PCDH15: variants seen among roughly 807,000 people sequenced by gnomAD.
PCDH15 encodes the protein protocadherin-15.
In PCDH15, 129 loss-of-function variants were observed where a neutral mutation model predicts 178.5. The ratio of observed to expected loss-of-function variants is 0.72; its 90% CI spans 0.63 to 0.84. PCDH15 has a LOEUF of 0.84. Ranked by LOEUF, PCDH15 falls within the 40% of genes least tolerant of loss-of-function variation. PCDH15 has a pLI of 0.00. For missense variants in PCDH15, 2,230 were observed against 2,099.9 expected, an observed-to-expected ratio of 1.06 and a Z score of -1.21; for synonymous variants, 800 against 732.0, an observed-to-expected ratio of 1.09 and a Z score of -1.50.
chr10:55,595,684 T>TA (rs778961290), intron 2 of PCDH15, among the ~76,000 whole-genome samples: 9 of 152,094 alleles, frequency 5.9e-5, no homozygotes, highest in Non-Finnish European at 8.8e-5. Context: ...TTTTCTGACT[T>TA]AGAGAATTCA....
At chr10:54,970,529 A>G (rs1838905302) in intron 2 of PCDH15, among the ~76,000 whole-genome samples, 2 of 152,208 alleles carry the variant, frequency 1.3e-5, no homozygotes, top group Admixed American at 6.5e-5. Context: ...GAAACAAAGT[A>G]CAGTAGTCTT....
At chr10:53,810,728 T>C in intron 36 of PCDH15, 64 bp from the exon 37 acceptor site, 1 of 1,401,064 alleles carries the variant, frequency 7.1e-7, no homozygotes, top group African/African-American at 1.4e-5. Context: ...CTACCATGAG[T>C]GATCTGTTTC....
At chr10:53,931,344 T>C (rs920043188) in intron 25 of PCDH15, among the ~76,000 whole-genome samples, 1 of 152,218 alleles carries the variant, frequency 6.6e-6, no homozygotes, top group Non-Finnish European at 1.5e-5. Flanking sequence ...GAGTGGTATG[T>C]ATGCTACAAA....
intron 2 of PCDH15, among the ~76,000 whole-genome samples, chr10:54,615,929 A>G (rs2093129854): frequency 6.6e-6 from 1 of 152,072 alleles, no homozygotes; most frequent in African/African-American, 2.4e-5. Flanking sequence ...GTGGCATCAC[A>G]GGGATTGGTA....
intron 3 of PCDH15, among the ~76,000 whole-genome samples, chr10:54,811,043 A>C (rs2133728686): frequency 6.6e-6 from 1 of 152,206 alleles, no homozygotes; most frequent in African/African-American, 2.4e-5. Context: ...TATAGTCGTA[A>C]GTTTGAAGAC....
intron 3 of PCDH15, among the ~76,000 whole-genome samples, chr10:54,822,254 T>C (rs1449409385): frequency 6.6e-6 from 1 of 152,152 alleles, no homozygotes; most frequent in Non-Finnish European, 1.5e-5. Context: ...CCTATTCCTT[T>C]TAACTGTATT....
intron 2 of PCDH15, among the ~76,000 whole-genome samples, chr10:55,068,780 T>C (rs1258674957): frequency 4.6e-5 from 7 of 151,892 alleles, no homozygotes; most frequent in Admixed American, 3.9e-4. Context: ...TGTGTGTGTG[T>C]GTGTGCGTGC....
chr10:54,405,030 A>C (rs1952457438), intron 3 of PCDH15, among the ~76,000 whole-genome samples: 1 of 152,114 alleles, frequency 6.6e-6, no homozygotes, highest in African/African-American at 2.4e-5. Context: ...GCAGAAAAAA[A>C]GCAATGCTTA....
chr10:53,908,758 T>G (rs1459967106), intron 25 of PCDH15, among the ~76,000 whole-genome samples: 1 of 152,220 alleles, frequency 6.6e-6, no homozygotes, highest in Non-Finnish European at 1.5e-5. Context: ...TATCGTTGCC[T>G]AACACATTAA....
intron 2 of PCDH15, among the ~76,000 whole-genome samples, chr10:54,631,354 A>T (rs990374714): frequency 1.3e-5 from 2 of 152,068 alleles, no homozygotes; most frequent in African/African-American, 4.8e-5. Flanking sequence ...TCTCTTTTTT[A>T]AAAAAATTAC....
chr10:54,122,744 A>G (rs2041656144), intron 15 of PCDH15, among the ~76,000 whole-genome samples: 1 of 152,112 alleles, frequency 6.6e-6, no homozygotes, highest in African/African-American at 2.4e-5. Context: ...GGAGTTCTAT[A>G]CACCAATAAC....
intron 1 of PCDH15, among the ~76,000 whole-genome samples, chr10:54,712,588 G>T (rs2095437551): frequency 6.6e-6 from 1 of 151,946 alleles, no homozygotes; most frequent in Non-Finnish European, 1.5e-5. Flanking sequence ...AGGTTGATGG[G>T]TGCACCCTGT....
rs143912677 is a variant in PCDH15 at position 55,306,285 on chromosome 10, A to G, written c.-156+13314T>C. Among the ~76,000 whole-genome samples, 678 of 152,344 alleles carry G rather than the reference A, an allele frequency of 4.5e-3. 8 individuals are homozygous for G. Among genetic ancestry groups the G allele is most frequent in the African/African-American group, 0.015 (632 of 41,578 alleles). Reference sequence around the variant, plus strand: ...GTTAACTCAGCAAGATTTTAATTCTAATTTCCTAGAATGAAAACATAAGTT... The same window carrying G: ...GTTAACTCAGCAAGATTTTAATTCTGATTTCCTAGAATGAAAACATAAGTT... On this transcript the variant is annotated intron_variant, in intron 1 of 5. Coordinates refer to the PCDH15 transcript ENST00000458638.
chr10:54,586,929 T>C (rs1195547066), intron 2 of PCDH15, among the ~76,000 whole-genome samples: 4 of 152,214 alleles, frequency 2.6e-5, no homozygotes, highest in Admixed American at 1.3e-4. Flanking sequence ...GTCTGTTTTG[T>C]TCTCTGTTAT....
At chr10:53,954,427 G>T (rs546908767) in intron 23 of PCDH15, among the ~76,000 whole-genome samples, 1 of 152,274 alleles carries the variant, frequency 6.6e-6, no homozygotes, top group East Asian at 1.9e-4. Flanking sequence ...AATGGATTTT[G>T]TTTCTCTGTC....
intron 2 of PCDH15, among the ~76,000 whole-genome samples, chr10:54,550,311 C>T (rs752664489): frequency 1.3e-5 from 2 of 152,140 alleles, no homozygotes; most frequent in Admixed American, 6.6e-5. Context: ...ACTATGCAAC[C>T]TCTCTCTCGC....
chr10:53,820,440 C>G (rs766257886), intron 32 of PCDH15, among the ~76,000 whole-genome samples: 1 of 151,980 alleles, frequency 6.6e-6, no homozygotes, highest in East Asian at 1.9e-4. Flanking sequence ...TCTGAAATAA[C>G]GCATTGAAGG....
chr10:53,814,539 A>ATCAG (rs761746371), intron 35 of PCDH15, among the ~76,000 whole-genome samples: 2 of 152,176 alleles, frequency 1.3e-5, no homozygotes, highest in African/African-American at 2.4e-5. Flanking sequence ...CCTTGATTCA[A>ATCAG]TCAGTCACTC....
At position 55,298,705 on chromosome 10, in the gene PCDH15, C is replaced by A. The variant is rs183463084; in HGVS notation, c.-156+20894G>T. Among the ~76,000 whole-genome samples, 244 of 152,124 alleles carry A rather than the reference C, an allele frequency of 1.6e-3. 1 individual carries two copies. Among genetic ancestry groups the A allele is most frequent in the African/African-American group, 5.8e-3 (239 of 41,526 alleles). Reference sequence around the variant, plus strand: ...AAGTGATTCTCCTGCCTCCACCTCCCGAGTAGCTGGGACTACCAGCGTGTG... The same window carrying A: ...AAGTGATTCTCCTGCCTCCACCTCCAGAGTAGCTGGGACTACCAGCGTGTG... On this transcript the variant is annotated intron_variant, in intron 1 of 5. Transcript: ENST00000458638.
Sources: gnomAD v4.1 joint callset for allele counts (sites outside exome capture counted in the v4.1 genomes callset) on GRCh38, gnomAD v4.1.1 for gene constraint, MANE v1.5 for transcripts, NCBI Gene and HGNC (gene_info 2026-07-23, HGNC 2026-07-21) for gene names.